HMCN1: variants seen among roughly 807,000 people sequenced by gnomAD.
HMCN1 encodes the protein hemicentin 1.
In HMCN1, 321 loss-of-function variants were observed where a neutral mutation model predicts 625.9. That is an observed-to-expected ratio of 0.51 (90% CI 0.47 to 0.56). The LOEUF (loss-of-function observed/expected upper bound fraction) is 0.56. Among genes scored for constraint, HMCN1 ranks in the 20% least tolerant of loss-of-function variants. The pLI, the probability that HMCN1 is intolerant of heterozygous loss-of-function variation, is 0.00. For missense variants in HMCN1, 6,588 were observed against 6,887.3 expected (o/e 0.96, Z 1.54); for synonymous variants, 2,425 against 2,417.6 (o/e 1.00, Z -0.09).
intron 1 of HMCN1, among the ~76,000 whole-genome samples, chr1:185,777,170 G>T (rs73060487): frequency 0.041 from 6,223 of 152,192 alleles, 412 homozygotes; most frequent in African/African-American, 0.14. Context: ...TTCTCCACTG[G>T]CTAGTTATGT....
chr1:186,011,897 G>A (rs1230052195), intron 30 of HMCN1, among the ~76,000 whole-genome samples: 1 of 152,120 alleles, frequency 6.6e-6, no homozygotes, highest in Non-Finnish European at 1.5e-5. Context: ...TATTCAATAA[G>A]AGTGTTTAAG....
At chr1:185,926,019 C>T (rs1667258469) in intron 9 of HMCN1, among the ~76,000 whole-genome samples, 1 of 152,188 alleles carries the variant, frequency 6.6e-6, no homozygotes, top group Non-Finnish European at 1.5e-5. Context: ...GAGGCACCGA[C>T]TTTTCCTTGT....
intron 54 of HMCN1, among the ~76,000 whole-genome samples, chr1:186,076,837 TCTA>T (rs1433215771): frequency 6.6e-6 from 1 of 152,296 alleles, no homozygotes; most frequent in South Asian, 2.1e-4. Flanking sequence ...ACTTTTCAGA[TCTA>T]CTACGCATCA....
intron 1 of HMCN1, among the ~76,000 whole-genome samples, chr1:185,776,821 C>T (rs1178357591): frequency 6.6e-6 from 1 of 152,176 alleles, no homozygotes; most frequent in Non-Finnish European, 1.5e-5. Flanking sequence ...CTATGATCTC[C>T]TTCCTGTTGG....
At chr1:185,802,187 C>T (rs1293162119) in intron 1 of HMCN1, among the ~76,000 whole-genome samples, 2 of 152,062 alleles carry the variant, frequency 1.3e-5, no homozygotes, top group Admixed American at 1.3e-4. Flanking sequence ...ATCATGTCAA[C>T]ACCTAAGTTT....
At chr1:186,032,740 TAAA>T in intron 36 of HMCN1, among the ~76,000 whole-genome samples, 1 of 147,400 alleles carries the variant, frequency 6.8e-6, no homozygotes, top group East Asian at 2.0e-4. Context: ...TGGCCATAAG[TAAA>T]AAGAAAAAAA....
In HMCN1 at chr1:185,961,085, A is replaced by C. The variant is rs77516215; in HGVS notation, c.1829-1433A>C. On this transcript the variant is annotated intron_variant, in intron 11 of 106. Transcript: ENST00000271588. ...AAAAAATCCTTTAAACATTAACTTC[A>C]AAGACTAGACCATAATTTGAAAAAC... 5.8e-3 allele frequency among the ~76,000 whole-genome samples: 876 copies of C among 152,310 alleles called. 3 individuals carry two copies. Among genetic ancestry groups the C allele is most frequent in the Non-Finnish European group, 7.5e-3 (512 of 68,024 alleles).
intron 34 of HMCN1, among the ~76,000 whole-genome samples, 156 bp downstream of exon 34, chr1:186,018,508 G>A (rs1654513562): frequency 6.6e-6 from 1 of 151,954 alleles, no homozygotes; most frequent in African/African-American, 2.4e-5. Flanking sequence ...AGAATTTTTA[G>A]TTACTTTATT....
chr1:185,826,885 A>G (rs1660546911), intron 1 of HMCN1, among the ~76,000 whole-genome samples: 2 of 152,176 alleles, frequency 1.3e-5, no homozygotes, highest in African/African-American at 4.8e-5. Flanking sequence ...TTTCAATACT[A>G]TATGATACCA....
intron 102 of HMCN1, among the ~76,000 whole-genome samples, chr1:186,172,529 T>C (rs1361010129): frequency 1.3e-5 from 2 of 152,194 alleles, no homozygotes; most frequent in African/African-American, 2.4e-5. Context: ...TGTATATTCC[T>C]TAAATATCAA....
intron 48 of HMCN1, among the ~76,000 whole-genome samples, chr1:186,063,972 G>A (rs929358216): frequency 6.6e-6 from 1 of 152,118 alleles, no homozygotes; most frequent in Non-Finnish European, 1.5e-5. Context: ...GAAAGTCAGA[G>A]TTTAAAGGAA....
intron 6 of HMCN1, among the ~76,000 whole-genome samples, chr1:185,921,684 G>T (rs552107246): frequency 6.6e-6 from 1 of 152,234 alleles, no homozygotes; most frequent in East Asian, 1.9e-4. Context: ...GAATTATGTG[G>T]TCATTTTATT....
At chr1:186,158,641 G>T (rs556510248) in intron 97 of HMCN1, among the ~76,000 whole-genome samples, 1 of 152,234 alleles carries the variant, frequency 6.6e-6, no homozygotes, top group South Asian at 2.1e-4. Context: ...TCCAGTTTCA[G>T]CTTTCTACAT....
Position 186,001,553 on chromosome 1 carries a change from A to G in HMCN1, c.4201-41A>G, listed in dbSNP as rs780638697. 1.6e-5 allele frequency: 26 copies of G among 1,610,504 alleles called. No homozygotes were observed. The South Asian group carries it at 1.8e-4, about 11-fold the overall frequency. ...CTTCAATTTTTAATTATGCATTTTT[A>G]TTAGGATTGGAAATAACACTGACCA... On this transcript the variant is annotated intron_variant, in intron 27 of 106. Transcript: ENST00000271588.
intron 76 of HMCN1, 130 bp downstream of exon 76, chr1:186,117,245 G>A: frequency 7.7e-7 from 1 of 1,300,010 alleles, no homozygotes; most frequent in Non-Finnish European, 1.1e-6. Context: ...TACACATGCA[G>A]GTTCGTTATA....
chr1:186,089,373 C>T (rs1403627050), intron 63 of HMCN1, among the ~76,000 whole-genome samples: 4 of 151,982 alleles, frequency 2.6e-5, no homozygotes, highest in Non-Finnish European at 5.9e-5. Context: ...AATACTTTTT[C>T]TTCCAATCTT....
intron 103 of HMCN1, chr1:186,177,148 C>CA (rs1429193376): frequency 6.6e-6 from 1 of 151,704 alleles, no homozygotes; most frequent in Non-Finnish European, 1.5e-5. Flanking sequence ...GTCAAAAATA[C>CA]AAAAAAGATT....
chr1:186,126,559 G>T (rs1027293046), intron 82 of HMCN1, among the ~76,000 whole-genome samples: 4 of 152,106 alleles, frequency 2.6e-5, no homozygotes, highest in African/African-American at 9.7e-5. Context: ...ATTCTCTTTG[G>T]GAAGGTGACA....
Position 186,016,189 on chromosome 1 carries a change from C to CT in HMCN1, c.5142dup (p.Thr1715TyrfsTer12). On this transcript the variant is annotated frameshift_variant, in exon 32 of 107. Transcript: ENST00000271588. LOFTEE classifies it high-confidence loss of function. ...GATCGAGGACAGTACATATGCGTGG[C>CT]TACCAGTGTGGCAGGAGAAAAGGAA... is the stretch of plus-strand genomic sequence containing the variant. 6.2e-7 allele frequency: 1 copy of CT among 1,613,280 alleles called. No individual in the cohort carries two copies. Among genetic ancestry groups the CT allele is most frequent in the Non-Finnish European group, 8.5e-7 (1 of 1,179,436 alleles).
Sources: allele counts gnomAD v4.1 joint callset (sites outside exome capture counted in the v4.1 genomes callset), GRCh38; gene constraint gnomAD v4.1.1; transcripts MANE v1.5; gene names NCBI Gene and HGNC (gene_info 2026-07-23, HGNC 2026-07-21).